CDH9: variants seen among roughly 807,000 people sequenced by gnomAD.
CDH9 encodes the protein cadherin-9.
Under a neutral mutation model 70.9 loss-of-function variants are expected in CDH9, and 28 were observed. The ratio of observed to expected loss-of-function variants is 0.40; its 90% CI spans 0.29 to 0.54. The LOEUF (loss-of-function observed/expected upper bound fraction) is 0.54. Among genes scored for constraint, CDH9 ranks in the 20% least tolerant of loss-of-function variants. The probability of loss-of-function intolerance (pLI) is 0.59; values close to 1 mark genes in which losing one functional copy is unlikely to be tolerated. For missense variants in CDH9, 874 were observed against 984.4 expected (o/e 0.89, Z 1.50); for synonymous variants, 409 against 343.1 (o/e 1.19, Z -2.12).
intron 1 of CDH9, among the ~76,000 whole-genome samples, chr5:27,023,386 G>T (rs576665182): frequency 6.6e-6 from 1 of 151,892 alleles, no homozygotes; most frequent in South Asian, 2.1e-4. Flanking sequence ...GAATTCAATG[G>T]TACTCATTTT....
At position 26,966,888 on chromosome 5, in the gene CDH9, G is replaced by T. The variant is rs184467383; in HGVS notation, c.228+21218C>A. ...TTGTCATTTCTTCCATTGTCTACTT[G>T]TGTCTCATCTTCTCTCTGCTTTAAA... On this transcript the variant is annotated intron_variant, in intron 2 of 11. Coordinates refer to ENST00000231021, the MANE Select transcript of CDH9 (RefSeq NM_016279.4). Among the ~76,000 whole-genome samples, 247 of 151,906 alleles carry T rather than the reference G, an allele frequency of 1.6e-3. 1 individual carries two copies. Among genetic ancestry groups the T allele is most frequent in the African/African-American group, 5.5e-3 (227 of 41,440 alleles).
intron 2 of CDH9, among the ~76,000 whole-genome samples, chr5:26,950,731 GATAAA>G (rs1454535672): frequency 6.6e-6 from 1 of 152,084 alleles, no homozygotes; most frequent in Non-Finnish European, 1.5e-5. Context: ...TAATTACACT[GATAAA>G]ATAATATTAA....
intron 2 of CDH9, among the ~76,000 whole-genome samples, chr5:26,959,919 T>C (rs1035475088): frequency 1.3e-5 from 2 of 151,926 alleles, no homozygotes; most frequent in African/African-American, 4.8e-5. Flanking sequence ...TTTGGGGTGA[T>C]GAAAATGTTT....
chr5:26,981,822 T>G (rs1742404136), intron 2 of CDH9, among the ~76,000 whole-genome samples: 1 of 151,596 alleles, frequency 6.6e-6, no homozygotes, highest in South Asian at 2.1e-4. Context: ...GGTAGAAAAA[T>G]ATTTAGACAA....
chr5:26,974,884 AAC>A (rs1287572506), intron 2 of CDH9, among the ~76,000 whole-genome samples: 1 of 152,104 alleles, frequency 6.6e-6, no homozygotes, highest in Non-Finnish European at 1.5e-5. Context: ...TCAAGTATAC[AAC>A]AGAGTATTGT....
intron 2 of CDH9, among the ~76,000 whole-genome samples, chr5:26,937,463 G>A (rs1741579027): frequency 2.0e-5 from 3 of 152,084 alleles, no homozygotes; most frequent in Admixed American, 2.0e-4. Flanking sequence ...CAGTTTGTGA[G>A]TTTCCTACAA....
chr5:26,943,892 T>C (rs553970178), intron 2 of CDH9, among the ~76,000 whole-genome samples: 35 of 152,348 alleles, frequency 2.3e-4, no homozygotes, highest in African/African-American at 8.4e-4. Context: ...CAGTTTATAT[T>C]ATATAACATA....
At chr5:26,922,226 C>T (rs540070262) in intron 2 of CDH9, among the ~76,000 whole-genome samples, 2 of 151,944 alleles carry the variant, frequency 1.3e-5, no homozygotes, top group East Asian at 3.9e-4. Context: ...TATTCAAGGA[C>T]AAGAAGTTTA....
At chr5:26,901,749 C>T (rs1172536433) in intron 7 of CDH9, among the ~76,000 whole-genome samples, 3 of 151,666 alleles carry the variant, frequency 2.0e-5, no homozygotes, top group African/African-American at 7.3e-5. Flanking sequence ...TATTTAAATT[C>T]CCCTTTGAAC....
At chr5:27,029,991 C>G (rs1490555042) in intron 1 of CDH9, among the ~76,000 whole-genome samples, 2 of 151,996 alleles carry the variant, frequency 1.3e-5, no homozygotes, top group African/African-American at 4.8e-5. Flanking sequence ...CACTTTGTCT[C>G]TCCACTCCAC....
chr5:26,922,199 T>G (rs1741257648), intron 2 of CDH9, among the ~76,000 whole-genome samples: 1 of 151,430 alleles, frequency 6.6e-6, no homozygotes, highest in Admixed American at 6.6e-5. Context: ...CTTCCAAAAT[T>G]TAGAAAAAAA....
chr5:27,027,180 TTCTA>T (rs1434916430), intron 1 of CDH9, among the ~76,000 whole-genome samples: 2 of 152,066 alleles, frequency 1.3e-5, no homozygotes, highest in Non-Finnish European at 2.9e-5. Flanking sequence ...GTGTAGAGTG[TTCTA>T]TCTATGATAT....
chr5:26,932,673 G>A (rs1001021687), intron 2 of CDH9, among the ~76,000 whole-genome samples: 1 of 152,034 alleles, frequency 6.6e-6, no homozygotes, highest in Non-Finnish European at 1.5e-5. Context: ...ATTGAAGACA[G>A]CATATTGCTG....
chr5:26,881,361 A>G lies in CDH9; in HGVS notation c.2145T>C (p.Phe715=), dbSNP rs1343110476. Residue 715 remains phenylalanine (F), a synonymous_variant, in exon 12 of 12, where the codon TTT becomes TTC. Coordinates refer to ENST00000231021, the MANE Select transcript of CDH9 (RefSeq NM_016279.4). ...PLWENIDVQD[F]IHRRLKENDA... ...CGTTTTCTTTTAATCTTCGATGGAT[A>G]AAATCTTGTACATCAATATTTTCCC... The G allele has an allele frequency of 6.2e-7, 1 of 1,613,674 alleles. No homozygotes were observed. The highest frequency in any genetic ancestry group is 2.2e-5 in the East Asian group (1 of 44,870).
chr5:26,885,276 A>T (rs1218385208), intron 11 of CDH9, among the ~76,000 whole-genome samples: 4 of 152,182 alleles, frequency 2.6e-5, no homozygotes. Flanking sequence ...AAAAGTATTT[A>T]CCTTATACAG....
rs188023535 is a variant in CDH9, at chr5:27,007,679, G to A, written c.-49-19297C>T. On this transcript the variant is annotated intron_variant, in intron 1 of 11. Transcript: ENST00000231021. ...ATGAAATACTTTTTAAAACAGTTAT[G>A]GTAAAATAATATTTGTGTATCTTAA... is the stretch of plus-strand genomic sequence containing the variant. Among the ~76,000 whole-genome samples the A allele has an allele frequency of 2.6e-3, 388 of 151,894 alleles. 2 individuals carry two copies. The highest frequency in any genetic ancestry group is 9.1e-3 in the African/African-American group (377 of 41,438).
rs1320051709 is a variant in CDH9, at chr5:26,881,310, A to G, written c.2196T>C (p.Tyr732=). ...ENDADPSAPP[Y]DSLATYAYEG... ...CATAGGCATACGTTGCCAGCGAATC[A>G]TATGGAGGTGCACTTGGGTCTGCGT... is the stretch of plus-strand genomic sequence containing the variant. Residue 732 remains tyrosine, a synonymous_variant, in exon 12 of 12, where the codon TAT becomes TAC. Transcript: ENST00000231021. 2 of 1,612,836 alleles carry G rather than the reference A, an allele frequency of 1.2e-6. No homozygotes were observed. Among genetic ancestry groups the G allele is most frequent in the Non-Finnish European group, 1.7e-6 (2 of 1,179,062 alleles).
At chr5:27,008,627 C>A (rs1019194953) in intron 1 of CDH9, among the ~76,000 whole-genome samples, 1 of 151,970 alleles carries the variant, frequency 6.6e-6, no homozygotes, top group Non-Finnish European at 1.5e-5. Context: ...GCAATAAAAA[C>A]AATGTGCATT....
chr5:26,985,355 C>T (rs1742471716), intron 2 of CDH9, among the ~76,000 whole-genome samples: 1 of 151,894 alleles, frequency 6.6e-6, no homozygotes, highest in Admixed American at 6.6e-5. Context: ...GTAAATCAAC[C>T]CAACAAGAAT....
Sources: gnomAD v4.1 joint callset for allele counts (sites outside exome capture counted in the v4.1 genomes callset) on GRCh38, gnomAD v4.1.1 for gene constraint, MANE v1.5 for transcripts, NCBI Gene and HGNC (gene_info 2026-07-23, HGNC 2026-07-21) for gene names.